Variants in SMURF1 observed in about 807,000 individuals in gnomAD.
SMURF1 encodes E3 ubiquitin-protein ligase SMURF1.
A neutral mutation model predicts 98.0 loss-of-function variants in SMURF1; 44 were observed. The observed-to-expected ratio is 0.45, with a 90% CI of 0.35 to 0.58. The LOEUF (loss-of-function observed/expected upper bound fraction) is 0.58, where lower values mean the gene tolerates loss of function less well. Among genes scored for constraint, SMURF1 ranks in the 20% least tolerant of loss-of-function variants. The pLI is 0.00. For missense variants in SMURF1, 687 were observed against 938.4 expected (o/e 0.73, Z 3.50); for synonymous variants, 396 against 374.9 (o/e 1.06, Z -0.65).
At chr7:99,056,595 C>A (rs1455674596) in intron 5 of SMURF1, among the ~76,000 whole-genome samples, 1 of 152,168 alleles carries the variant, frequency 6.6e-6, no homozygotes, top group East Asian at 1.9e-4. Context: ...ATTATCTACC[C>A]TTGGATAATA....
Position 99,041,564 on chromosome 7 carries a change from G to C in SMURF1, c.1371+554C>G, listed in dbSNP as rs989376591. Among the ~76,000 whole-genome samples, 64 of 152,324 alleles carry C rather than the reference G, an allele frequency of 4.2e-4. 1 individual carries two copies. The highest frequency in any genetic ancestry group is 3.7e-3 in the Admixed American group (57 of 15,300). ...TCTTCCACATTTGAATGCACAAGCG[G>C]AGCCTGTCCCGACTTCGCCTCAGTG... On this transcript the variant is annotated intron_variant, in intron 12 of 17. Transcript: ENST00000361368.
intron 5 of SMURF1, among the ~76,000 whole-genome samples, chr7:99,055,707 G>A (rs991628485): frequency 6.6e-6 from 1 of 152,040 alleles, no homozygotes; most frequent in African/African-American, 2.4e-5. Flanking sequence ...GCTCACACCT[G>A]TAATACCAGC....
intron 1 of SMURF1, among the ~76,000 whole-genome samples, chr7:99,127,903 T>C (rs939090432): frequency 6.6e-6 from 1 of 152,188 alleles, no homozygotes; most frequent in Non-Finnish European, 1.5e-5. Flanking sequence ...CGCTACTACA[T>C]AGGCGATACG....
At chr7:99,075,632 G>GAA (rs112881647) in intron 1 of SMURF1, among the ~76,000 whole-genome samples, 19 of 137,532 alleles carry the variant, frequency 1.4e-4, no homozygotes, top group Non-Finnish European at 1.4e-4. Flanking sequence ...TTGATGTGGG[G>GAA]AAAAAAAAAA....
In SMURF1 at chr7:99,030,675, C is replaced by T. The variant is rs1377632681; in HGVS notation, c.2105G>A (p.Arg702Gln). The T allele has an allele frequency of 5.0e-6, 8 of 1,613,592 alleles. No homozygotes were observed. Among genetic ancestry groups the T allele is most frequent in the African/African-American group, 1.3e-5 (1 of 74,822 alleles). Residue 702 changes from arginine to glutamine, a missense_variant, in exon 18 of 18, where the codon CGG becomes CAG. By Grantham distance (43) the Arg-to-Gln change is conservative. Around this residue, in one of 2 missense-constraint regions of SMURF1, gnomAD observed 272 missense variants for 430.0 expected, o/e 0.63. Transcript: ENST00000361368. The part of the protein sequence containing the change: ...NLPKAHTCFN[R>Q]IDIPPYESYE... Reference sequence around the variant, plus strand: ...GGACTCATATGGTGGAATGTCGATCCGGTTAAAGCTGAAAAAGGACAAAAG... The same window carrying T: ...GGACTCATATGGTGGAATGTCGATCTGGTTAAAGCTGAAAAAGGACAAAAG...
rs1796039994 is a variant in SMURF1 at position 99,061,788 on chromosome 7, T to A, written c.94+11A>T. 1 of 1,592,060 alleles carries A rather than the reference T, an allele frequency of 6.3e-7. No homozygotes were observed. Among genetic ancestry groups the A allele is most frequent in the South Asian group, 1.2e-5 (1 of 86,676 alleles). ...ACATTATAAGAGGGAAAAAAATAAGTGTTTACTTACTGAAGAAGTCTTTCT... is the reference window on the plus strand; with the variant it reads ...ACATTATAAGAGGGAAAAAAATAAGAGTTTACTTACTGAAGAAGTCTTTCT... On this transcript the variant is annotated intron_variant, in intron 2 of 17. Coordinates refer to ENST00000361368, the MANE Select transcript of SMURF1 (RefSeq NM_181349.3).
intron 6 of SMURF1, among the ~76,000 whole-genome samples, chr7:99,054,078 C>T (rs186677529): frequency 4.6e-5 from 7 of 152,198 alleles, no homozygotes; most frequent in Admixed American, 1.3e-4. Flanking sequence ...ATTATAGGTG[C>T]GTGCCACCAT....
chr7:99,143,608 A>T, intron 1 of SMURF1, 118 bp downstream of exon 1: 1 of 796,872 alleles, frequency 1.3e-6, no homozygotes, highest in Non-Finnish European at 1.8e-6. Context: ...GAAGGGGGTG[A>T]CGAGGTCCTG....
In SMURF1 at chr7:99,045,811, A is replaced by C; in HGVS notation, c.1153-10T>G. On this transcript the variant is annotated splice_polypyrimidine_tract_variant and intron_variant, in intron 10 of 17. Coordinates refer to ENST00000361368, the MANE Select transcript of SMURF1 (RefSeq NM_181349.3). Reference sequence around the variant, plus strand: ...TCTGGCGGTAAGACTCCTGAAGAGCAACATCACAGTTTCAGAGAGAAGAAC... The same window carrying C: ...TCTGGCGGTAAGACTCCTGAAGAGCCACATCACAGTTTCAGAGAGAAGAAC... 1 of 1,588,202 alleles carries C rather than the reference A, an allele frequency of 6.3e-7. No homozygotes were observed. The highest frequency in any genetic ancestry group is 8.6e-7 in the Non-Finnish European group (1 of 1,156,230).
intron 1 of SMURF1, among the ~76,000 whole-genome samples, chr7:99,068,924 C>T (rs1796259015): frequency 6.6e-6 from 1 of 152,148 alleles, no homozygotes; most frequent in South Asian, 2.1e-4. Flanking sequence ...TGAAGCCTCA[C>T]TCAAGCCAGT....
At chr7:99,111,735 A>G (rs961762357) in intron 1 of SMURF1, among the ~76,000 whole-genome samples, 3 of 152,236 alleles carry the variant, frequency 2.0e-5, no homozygotes, top group Non-Finnish European at 4.4e-5. Context: ...GCAGCCTTGA[A>G]GGCAACAGCT....
At chr7:99,070,954 T>C (rs1181966091) in intron 1 of SMURF1, among the ~76,000 whole-genome samples, 1 of 152,000 alleles carries the variant, frequency 6.6e-6, no homozygotes, top group Non-Finnish European at 1.5e-5. Flanking sequence ...AAAATATATA[T>C]ATATATTCTG....
intron 1 of SMURF1, among the ~76,000 whole-genome samples, chr7:99,063,137 C>T (rs1402952838): frequency 3.4e-5 from 5 of 147,096 alleles, no homozygotes; most frequent in East Asian, 2.0e-4. Context: ...AGTTTCACTT[C>T]GTTTTATAAA....
At chr7:99,049,505 A>G (rs1563004909) in intron 9 of SMURF1, 58 bp downstream of exon 9, 2 of 1,553,184 alleles carry the variant, frequency 1.3e-6, no homozygotes, top group Non-Finnish European at 1.8e-6. Context: ...ATACCAGTCC[A>G]AGAAAGCATT....
At chr7:99,051,853 C>G (rs1399605283) in intron 7 of SMURF1, among the ~76,000 whole-genome samples, 2 of 152,134 alleles carry the variant, frequency 1.3e-5, no homozygotes, top group Non-Finnish European at 2.9e-5. Flanking sequence ...ACAGGCTACT[C>G]AAAAAGGGTT....
Position 99,030,339 on chromosome 7 carries a change from G to A in SMURF1, c.*245C>T. 1 of 506,304 alleles carries A rather than the reference G, an allele frequency of 2.0e-6. No homozygotes were observed. The highest frequency in any genetic ancestry group is 3.6e-6 in the Non-Finnish European group (1 of 277,582). The allele number at this position is 506,304 out of a possible 1,614,324, so 31.4% of individuals were successfully genotyped here. On this transcript the variant is annotated 3_prime_UTR_variant, in exon 18 of 18. Coordinates refer to ENST00000361368, the MANE Select transcript of SMURF1 (RefSeq NM_181349.3). Reference sequence around the variant, plus strand: ...TGACCAAAGCCAAAGGCTAAACCTGGCTGCATTTTATTGGATGGGTGATGG... The same window carrying A: ...TGACCAAAGCCAAAGGCTAAACCTGACTGCATTTTATTGGATGGGTGATGG...
At chr7:99,035,980 G>A (rs1044933301) in intron 15 of SMURF1, 186 of 492,726 alleles carry the variant, frequency 3.8e-4, no homozygotes, top group East Asian at 2.3e-3. Flanking sequence ...TAACCAAAGC[G>A]GGGTTTTTGC....
At chr7:99,067,673 C>T (rs1040521434) in intron 1 of SMURF1, among the ~76,000 whole-genome samples, 5 of 152,014 alleles carry the variant, frequency 3.3e-5, no homozygotes, top group African/African-American at 4.8e-5. Context: ...TACTTGAGGT[C>T]GGGCGCAGTG....
intron 1 of SMURF1, among the ~76,000 whole-genome samples, chr7:99,134,629 C>T (rs368366884): frequency 6.6e-6 from 1 of 152,186 alleles, no homozygotes; most frequent in East Asian, 1.9e-4. Context: ...AAAACAATCC[C>T]TTAAAAAAGT....
Sources: allele counts gnomAD v4.1 joint callset (sites outside exome capture counted in the v4.1 genomes callset), GRCh38; gene constraint gnomAD v4.1.1; regional missense constraint gnomAD v4.1.1; transcripts MANE v1.5; gene names NCBI Gene and HGNC (gene_info 2026-07-23, HGNC 2026-07-21).